TMCO5A: variants seen among roughly 807,000 people sequenced by gnomAD.
The protein encoded by TMCO5A is transmembrane and coiled-coil domains 5A.
A neutral mutation model predicts 42.3 loss-of-function variants in TMCO5A; 34 were observed. The ratio of observed to expected loss-of-function variants is 0.80; its 90% CI spans 0.61 to 1.07. The LOEUF is 1.07. Among genes scored for constraint, TMCO5A ranks in the 50% least tolerant of loss-of-function variants. TMCO5A has a pLI of 0.00. For synonymous variants in TMCO5A, 131 were observed against 115.6 expected, an observed-to-expected ratio of 1.13 and a Z score of -0.86; for missense variants, 357 against 327.9, an observed-to-expected ratio of 1.09 and a Z score of -0.69.
chr15:37,965,263 C>T (rs1384516550), intron 11 of TMCO5A, among the ~76,000 whole-genome samples: 2 of 152,108 alleles, frequency 1.3e-5, no homozygotes, highest in East Asian at 3.9e-4. Context: ...AAAATCAAAT[C>T]AAAATGGATT....
the TMCO5A span, among the ~76,000 whole-genome samples, chr15:37,984,500 A>G: frequency 2.0e-5 from 3 of 152,078 alleles, no homozygotes; most frequent in Non-Finnish European, 4.4e-5. Flanking sequence ...AATCTGCCAC[A>G]CATAGTTGTA....
chr15:37,968,743 C>T (rs57903715), downstream of TMCO5A, among the ~76,000 whole-genome samples: 484 of 152,060 alleles, frequency 3.2e-3, 4 homozygotes, highest in African/African-American at 0.011. Flanking sequence ...CCACCACGCC[C>T]GGCTAATTTT....
the TMCO5A span, among the ~76,000 whole-genome samples, chr15:37,995,495 T>C: frequency 6.6e-6 from 1 of 152,250 alleles, no homozygotes; most frequent in African/African-American, 2.4e-5. Flanking sequence ...TGGACAATAA[T>C]GGTTAGAAAG....
chr15:37,952,944 A>G (rs996888198), downstream of TMCO5A, among the ~76,000 whole-genome samples: 4 of 152,214 alleles, frequency 2.6e-5, no homozygotes, highest in African/African-American at 9.6e-5. Flanking sequence ...CCATAGGCCT[A>G]TGGTGGCAGT....
the TMCO5A span, among the ~76,000 whole-genome samples, chr15:37,993,839 G>A: frequency 6.6e-6 from 1 of 152,144 alleles, no homozygotes; most frequent in Non-Finnish European, 1.5e-5. Flanking sequence ...TGCCCTTGGG[G>A]TGGGGCATGG....
At chr15:38,019,803 G>A in the TMCO5A span, among the ~76,000 whole-genome samples, 2 of 150,340 alleles carry the variant, frequency 1.3e-5, no homozygotes, top group African/African-American at 4.9e-5. Context: ...TCATAGAGAC[G>A]GGGTCTTGCC....
the TMCO5A span, among the ~76,000 whole-genome samples, chr15:37,985,965 T>C: frequency 6.6e-6 from 1 of 152,172 alleles, no homozygotes; most frequent in African/African-American, 2.4e-5. Context: ...AATGGTCCAG[T>C]GAAGGAAGTA....
intron 7 of TMCO5A, 57 bp downstream of exon 7, chr15:37,941,262 T>C (rs1468553127): frequency 2.0e-6 from 3 of 1,525,770 alleles, no homozygotes; most frequent in Non-Finnish European, 2.7e-6. Flanking sequence ...TGATCTTTGG[T>C]CAGGCAATCT....
the TMCO5A span, among the ~76,000 whole-genome samples, chr15:37,977,940 C>T: frequency 6.6e-6 from 1 of 152,206 alleles, no homozygotes; most frequent in Non-Finnish European, 1.5e-5. Context: ...ACAGACTTGC[C>T]TCTTCTCCTT....
At chr15:38,002,049 T>C in the TMCO5A span, among the ~76,000 whole-genome samples, 2 of 152,172 alleles carry the variant, frequency 1.3e-5, no homozygotes, top group Non-Finnish European at 2.9e-5. Flanking sequence ...TGCTCACTAA[T>C]GTCCTTTTCT....
downstream of TMCO5A, among the ~76,000 whole-genome samples, chr15:37,972,693 A>C (rs1392089132): frequency 6.6e-6 from 1 of 152,066 alleles, no homozygotes; most frequent in Non-Finnish European, 1.5e-5. Context: ...CATTTATTGG[A>C]TATATAGCTT....
the TMCO5A span, among the ~76,000 whole-genome samples, chr15:38,014,852 A>ATT: frequency 3.3e-4 from 16 of 47,998 alleles, no homozygotes; most frequent in African/African-American, 1.4e-3. Flanking sequence ...TAGGAGAAAG[A>ATT]TTATATATAT....
chr15:37,941,270 T>C (rs1018691407), intron 7 of TMCO5A, 65 bp downstream of exon 7: 7 of 1,493,368 alleles, frequency 4.7e-6, no homozygotes, highest in Non-Finnish European at 6.5e-6. Flanking sequence ...GGTCAGGCAA[T>C]CTATTTCTCA....
At chr15:37,936,141 C>T (rs753026681) in intron 2 of TMCO5A, 173 bp from the exon 3 acceptor site, 10 of 681,796 alleles carry the variant, frequency 1.5e-5, no homozygotes, top group South Asian at 6.8e-5. Context: ...TGCGAATTAT[C>T]GAAACAGTTG....
downstream of TMCO5A, among the ~76,000 whole-genome samples, chr15:37,967,946 A>G (rs564480899): frequency 1.1e-3 from 164 of 152,296 alleles, 2 homozygotes; most frequent in African/African-American, 3.8e-3. Context: ...CAAGTAATTT[A>G]TTGTACAAAT....
At chr15:37,952,660 G>A (rs887319476), downstream of TMCO5A, among the ~76,000 whole-genome samples, 2 of 152,162 alleles carry the variant, frequency 1.3e-5, no homozygotes, top group Non-Finnish European at 2.9e-5. Context: ...GTGGCTATGG[G>A]TCAAGATTCC....
the TMCO5A span, among the ~76,000 whole-genome samples, chr15:38,028,708 T>A: frequency 7.2e-5 from 11 of 151,966 alleles, no homozygotes; most frequent in African/African-American, 2.7e-4. Flanking sequence ...ACATGGAGTC[T>A]AGCATTAACA....
At chr15:38,023,648 G>A in the TMCO5A span, among the ~76,000 whole-genome samples, 10 of 152,154 alleles carry the variant, frequency 6.6e-5, no homozygotes, top group African/African-American at 2.4e-4. Flanking sequence ...TCAATGCGAG[G>A]AGTAGCAAAG....
chr15:38,007,398 C>G, the TMCO5A span, among the ~76,000 whole-genome samples: 1 of 152,188 alleles, frequency 6.6e-6, no homozygotes, highest in Non-Finnish European at 1.5e-5. Context: ...ATACTTCTAC[C>G]TGAAATATCT....
Sources: allele counts gnomAD v4.1 joint callset (sites outside exome capture counted in the v4.1 genomes callset), GRCh38; gene constraint gnomAD v4.1.1; transcripts MANE v1.5; gene names NCBI Gene and HGNC (gene_info 2026-07-23, HGNC 2026-07-21).